Variants in NT5C2 observed in about 807,000 individuals in gnomAD.
NT5C2 encodes the protein cytosolic purine 5'-nucleotidase.
In NT5C2, 58 loss-of-function variants were observed where a neutral mutation model predicts 76.1. That is an observed-to-expected ratio of 0.76 (90% CI 0.62 to 0.95). The LOEUF is 0.95. Ranked by LOEUF, NT5C2 falls within the 40% of genes least tolerant of loss-of-function variation. The pLI, the probability that NT5C2 is intolerant of heterozygous loss-of-function variation, is 0.00. For synonymous variants in NT5C2, 229 were observed against 237.4 expected, an observed-to-expected ratio of 0.96 and a Z score of 0.32; for missense variants, 478 against 690.3, an observed-to-expected ratio of 0.69 and a Z score of 3.45.
chr10:103,089,949 C>G (rs1192316466), intron 18 of NT5C2, 41 bp from the exon 19 acceptor site: 54 of 1,522,980 alleles, frequency 3.5e-5, no homozygotes, highest in Non-Finnish European at 4.7e-5. Context: ...GCAGGCAGAG[C>G]AAAGTAGCTA....
At chr10:103,114,070 C>A (rs1177990979) in intron 4 of NT5C2, among the ~76,000 whole-genome samples, 1 of 152,196 alleles carries the variant, frequency 6.6e-6, no homozygotes, top group African/African-American at 2.4e-5. Flanking sequence ...TTCCCAATTG[C>A]GTGATAACAG....
In NT5C2 at chr10:103,175,607, G is replaced by T. The variant is rs61743163; in HGVS notation, c.-24-625C>A. ...GGAAGACGTGACCACCAAGGTTGCG[G>T]CAGGTGCTTCCCCTGCAAAGGCCAA... On this transcript the variant is annotated intron_variant, in intron 2 of 18. Coordinates refer to ENST00000404739, the MANE Select transcript of NT5C2 (RefSeq NM_001351169.2). 852 of 212,152 alleles carry T rather than the reference G, an allele frequency of 4.0e-3. 11 individuals carry two copies. The highest frequency in any genetic ancestry group is 0.019 in the African/African-American group (816 of 43,180). 13.1% of individuals were successfully genotyped at this position (212,152 alleles called of 1,614,324 possible).
At chr10:103,166,085 A>G (rs971930896) in intron 3 of NT5C2, among the ~76,000 whole-genome samples, 2 of 152,266 alleles carry the variant, frequency 1.3e-5, no homozygotes, top group Non-Finnish European at 2.9e-5. Context: ...GTGTCCCCCA[A>G]TGGGGAAATC....
In NT5C2 at chr10:103,090,668, A is replaced by C; in HGVS notation, c.1392T>G (p.Ser464=). The C allele has an allele frequency of 1.2e-6, 2 of 1,614,178 alleles. No individual in the cohort carries two copies. The highest frequency in any genetic ancestry group is 2.2e-5 in the South Asian group (2 of 91,080). Residue 464 remains serine, a synonymous_variant, in exon 18 of 19, where the codon TCT becomes TCG. Transcript: ENST00000404739. ...VMRYADLYAA[S]FINLLYYPFS... is the part of the protein sequence containing the mutation. ...AAGGGTAATACAGCAGGTTGATGAA[A>C]GATGCTGCATAGAGGTCAGCATAAC...
chr10:103,131,670 C>T (rs1167568029), intron 4 of NT5C2, among the ~76,000 whole-genome samples: 4 of 152,236 alleles, frequency 2.6e-5, no homozygotes, highest in African/African-American at 9.6e-5. Flanking sequence ...CCTGTAGTCT[C>T]AGCACTTTGG....
intron 4 of NT5C2, among the ~76,000 whole-genome samples, chr10:103,120,090 C>A (rs2148200): frequency 0.32 from 47,581 of 149,558 alleles, 7,594 homozygotes; most frequent in Middle Eastern, 0.37. Context: ...CAGTGTGAGA[C>A]CCTGTTTCAA....
At chr10:103,153,422 A>C in intron 3 of NT5C2, 2 of 1,152,506 alleles carry the variant, frequency 1.7e-6, no homozygotes, top group Non-Finnish European at 2.2e-6. Flanking sequence ...TGAGAGGCCC[A>C]ACAAATTTGG....
intron 3 of NT5C2, among the ~76,000 whole-genome samples, chr10:103,156,316 T>C (rs2083366700): frequency 6.6e-6 from 1 of 152,228 alleles, no homozygotes; most frequent in Non-Finnish European, 1.5e-5. Flanking sequence ...TAGATTCATT[T>C]TAAAGTATGC....
At chr10:103,125,064 C>A in intron 4 of NT5C2, 1 of 285,122 alleles carries the variant, frequency 3.5e-6, no homozygotes, top group Non-Finnish European at 6.8e-6. Flanking sequence ...TTTCGTCTTG[C>A]TTCTTCACGG....
chr10:103,181,175 T>C lies in NT5C2; in HGVS notation c.-25+10A>G, dbSNP rs1368049480. On this transcript the variant is annotated intron_variant, in intron 2 of 18. Transcript: ENST00000404739. ...AATTTATTATATACTCTGTGCAACT[T>C]ATTGTATACCAATTATGCCACAATA... 1 of 152,056 alleles carries C rather than the reference T, an allele frequency of 6.6e-6. No individual in the cohort carries two copies. Among genetic ancestry groups the C allele is most frequent in the African/African-American group, 2.4e-5 (1 of 41,394 alleles). 9.4% of individuals were successfully genotyped at this position (152,056 alleles called of 1,614,324 possible).
chr10:103,093,046 T>A (rs892595351), intron 15 of NT5C2, 93 bp downstream of exon 15: 7 of 1,133,050 alleles, frequency 6.2e-6, no homozygotes, highest in Non-Finnish European at 8.5e-6. Context: ...CACCTCTGAC[T>A]TCCTGAATAC....
At chr10:103,107,475 G>A (rs571979515) in intron 4 of NT5C2, among the ~76,000 whole-genome samples, 2 of 152,056 alleles carry the variant, frequency 1.3e-5, no homozygotes, top group Admixed American at 1.3e-4. Flanking sequence ...AAGAGTTCGA[G>A]ACCAGCCTGA....
chr10:103,142,416 C>A (rs1299607350), intron 3 of NT5C2, among the ~76,000 whole-genome samples: 1 of 152,116 alleles, frequency 6.6e-6, no homozygotes, highest in Admixed American at 6.6e-5. Flanking sequence ...GTAGCTCACG[C>A]CTGTAATCCC....
intron 3 of NT5C2, 100 bp downstream of exon 3, chr10:103,174,758 G>C: frequency 1.2e-6 from 1 of 813,736 alleles, no homozygotes; most frequent in Non-Finnish European, 2.1e-6. Context: ...ATACGATCTG[G>C]GTTATTTACT....
chr10:103,156,842 G>A (rs1401745784), intron 3 of NT5C2, among the ~76,000 whole-genome samples: 1 of 151,732 alleles, frequency 6.6e-6, no homozygotes, highest in Non-Finnish European at 1.5e-5. Flanking sequence ...CAGATCACGA[G>A]GTCAGGAGAT....
chr10:103,132,559 T>C (rs1163525710), intron 4 of NT5C2, among the ~76,000 whole-genome samples: 1 of 152,122 alleles, frequency 6.6e-6, no homozygotes, highest in Non-Finnish European at 1.5e-5. Context: ...TTCTTTTTTT[T>C]TTGAGACGGA....
intron 11 of NT5C2, 29 bp downstream of exon 11, chr10:103,097,262 A>C: frequency 6.6e-7 from 1 of 1,505,576 alleles, no homozygotes; most frequent in Non-Finnish European, 9.2e-7. Flanking sequence ...ATTCCACTGC[A>C]TAAATAAATA....
chr10:103,098,330 T>C (rs2068708279), intron 10 of NT5C2: 1 of 262,822 alleles, frequency 3.8e-6, no homozygotes, highest in African/African-American at 2.4e-5. Context: ...GGTTTGCCAC[T>C]AATGCCTTTT....
At chr10:103,170,187 G>A (rs549058052) in intron 3 of NT5C2, among the ~76,000 whole-genome samples, 20 of 152,098 alleles carry the variant, frequency 1.3e-4, no homozygotes, top group Non-Finnish European at 2.1e-4. Context: ...GTACACACCT[G>A]TAGTCCTAGC....
Sources: allele counts gnomAD v4.1 joint callset (sites outside exome capture counted in the v4.1 genomes callset), GRCh38; gene constraint gnomAD v4.1.1; transcripts MANE v1.5; gene names NCBI Gene and HGNC (gene_info 2026-07-23, HGNC 2026-07-21).